MAP7: variants seen among roughly 807,000 people sequenced by gnomAD.
MAP7 encodes ensconsin.
A neutral mutation model predicts 94.8 loss-of-function variants in MAP7; 52 were observed. The observed-to-expected ratio is 0.55, with a 90% CI of 0.44 to 0.69. MAP7 has a LOEUF of 0.69. MAP7 is among the 30% of genes least tolerant of loss of function. The pLI, the probability that MAP7 is intolerant of heterozygous loss-of-function variation, is 0.00. For missense variants in MAP7, 940 were observed against 964.6 expected (o/e 0.97, Z 0.34); for synonymous variants, 350 against 357.0 (o/e 0.98, Z 0.22).
chr6:136,358,619 A>T (rs1011638367), intron 15 of MAP7, among the ~76,000 whole-genome samples: 2 of 152,184 alleles, frequency 1.3e-5, no homozygotes, highest in African/African-American at 4.8e-5. Context: ...AAAACCCTTA[A>T]TGTTTATAGG....
At position 136,411,645 on chromosome 6, in the gene MAP7, T is replaced by A. The variant is rs764933645; in HGVS notation, c.219A>T (p.Arg73=). ...CTAGCTGTTTCTCCCGTTCCTCACGTCGCTCCCGGGCCAGCCGCTGCCGGT... is the reference window on the plus strand; with the variant it reads ...CTAGCTGTTTCTCCCGTTCCTCACGACGCTCCCGGGCCAGCCGCTGCCGGT... ...VDDRQRLARE[R]REEREKQLAA... Residue 73 remains arginine (R), a synonymous_variant, in exon 3 of 18, where the codon CGA becomes CGT. Transcript: ENST00000354570. 17 of 1,562,578 alleles carry A rather than the reference T, an allele frequency of 1.1e-5. No homozygotes were observed. The highest frequency in any genetic ancestry group is 1.4e-5 in the African/African-American group (1 of 73,298).
chr6:136,376,289 G>A (rs546427121), intron 7 of MAP7, among the ~76,000 whole-genome samples: 105 of 151,302 alleles, frequency 6.9e-4, no homozygotes, highest in African/African-American at 2.4e-3. Context: ...TAGTAGAGAC[G>A]GGGTTTCACC....
At chr6:136,495,596 T>C (rs1420367161) in intron 1 of MAP7, among the ~76,000 whole-genome samples, 1 of 152,176 alleles carries the variant, frequency 6.6e-6, no homozygotes, top group Non-Finnish European at 1.5e-5. Context: ...TTGGAGCATT[T>C]TGGATTTCAG....
chr6:136,394,931 CATATATATATATATATATATATAT>C (rs144839767), intron 3 of MAP7, among the ~76,000 whole-genome samples: 485 of 27,508 alleles, frequency 0.018, 39 homozygotes, highest in Non-Finnish European at 0.03. Context: ...AATATTCCAT[CATATATATATATATATATATATAT>C]ATATATATAT....
chr6:136,471,251 G>C (rs997345006), intron 1 of MAP7, among the ~76,000 whole-genome samples: 4 of 152,142 alleles, frequency 2.6e-5, no homozygotes, highest in Non-Finnish European at 4.4e-5. Flanking sequence ...TTTTGATCAT[G>C]GTGGGTCTTA....
chr6:136,416,108 C>G (rs1025155775), intron 2 of MAP7, among the ~76,000 whole-genome samples: 1 of 152,214 alleles, frequency 6.6e-6, no homozygotes, highest in Non-Finnish European at 1.5e-5. Flanking sequence ...GGAACAGAGA[C>G]TTGTCTGTTT....
chr6:136,486,431 A>C (rs904412900), intron 1 of MAP7, among the ~76,000 whole-genome samples: 1 of 152,210 alleles, frequency 6.6e-6, no homozygotes, highest in African/African-American at 2.4e-5. Flanking sequence ...GTCTCTAAAT[A>C]ATGTGAGTGT....
chr6:136,464,386 T>A (rs1806254004), intron 1 of MAP7, among the ~76,000 whole-genome samples: 1 of 152,212 alleles, frequency 6.6e-6, no homozygotes, highest in African/African-American at 2.4e-5. Flanking sequence ...CAATAAGATA[T>A]TTTTGAGAGA....
Position 136,361,082 on chromosome 6 carries a change from T to C in MAP7, c.1624A>G (p.Lys542Glu), listed in dbSNP as rs1236245039. 2 of 1,603,212 alleles carry C rather than the reference T, an allele frequency of 1.2e-6. No homozygotes were observed. The highest frequency in any genetic ancestry group is 1.7e-5 in the Admixed American group (1 of 59,772). ...RRLEAEQARE[K>E]EEQLQRQAEE... is the part of the protein sequence containing the mutation. ...GCCTGCCGCTGCAGCTGCTCCTCCTTCTCCCGGGCCTGCTCGGCTTCCAGC... is the reference window on the plus strand; with the variant it reads ...GCCTGCCGCTGCAGCTGCTCCTCCTCCTCCCGGGCCTGCTCGGCTTCCAGC... Residue 542 changes from lysine (K) to glutamate (E), a missense_variant, in exon 12 of 18, where the codon AAG becomes GAG. By Grantham distance (56) the Lys-to-Glu change is moderately conservative. Coordinates refer to ENST00000354570, the MANE Select transcript of MAP7 (RefSeq NM_003980.6).
At chr6:136,356,638 C>T in intron 16 of MAP7, 54 bp downstream of exon 16, 1 of 1,369,920 alleles carries the variant, frequency 7.3e-7, no homozygotes, top group Non-Finnish European at 1.0e-6. Flanking sequence ...TCTGGTGGAG[C>T]TGGTGGGTAA....
At chr6:136,437,683 C>T (rs1400740488) in intron 1 of MAP7, among the ~76,000 whole-genome samples, 1 of 152,044 alleles carries the variant, frequency 6.6e-6, no homozygotes, top group South Asian at 2.1e-4. Flanking sequence ...GCTGACAATA[C>T]ATTTTAGTTT....
At chr6:136,364,259 T>C in intron 10 of MAP7, 5 of 541,194 alleles carry the variant, frequency 9.2e-6, no homozygotes, top group South Asian at 7.0e-5. Flanking sequence ...ATGTTGAACC[T>C]TTTTGGACTG....
chr6:136,360,782 C>G lies in MAP7; in HGVS notation c.1718G>C (p.Arg573Pro). 1 of 1,613,740 alleles carries G rather than the reference C, an allele frequency of 6.2e-7. No individual in the cohort carries two copies. The highest frequency in any genetic ancestry group is 8.5e-7 in the Non-Finnish European group (1 of 1,180,032). The change falls in exon 13 of 18, where the codon CGC becomes CCC. Residue 573 changes from arginine (R) to proline (P), a missense_variant. Transcript: ENST00000354570. ...GACCCTCTCTGCTTCTTCACGAACG[C>G]GAGCTTCTTCTTCTTTCTGAAAACA... ...RAQRQKEEEA[R>P]VREEAERVRQ...
intron 1 of MAP7, among the ~76,000 whole-genome samples, chr6:136,532,023 T>C (rs1407762761): frequency 2.0e-5 from 3 of 152,176 alleles, no homozygotes; most frequent in Non-Finnish European, 4.4e-5. Context: ...CTGAATAGGC[T>C]ATATTCTTAT....
At position 136,466,782 on chromosome 6, in the gene MAP7, T is replaced by C. The variant is rs1170474887; in HGVS notation, c.68-44983A>G. ...TTACAGTACAGTTTAGTGTCTTCCA[T>C]GCTAAAATCCTTCTTTCTTGAATAT... On this transcript the variant is annotated intron_variant, in intron 1 of 17. Transcript: ENST00000354570. 8.5e-6 allele frequency: 13 copies of C among 1,535,284 alleles called. No homozygotes were observed. The East Asian group carries it at 2.9e-4, about 35-fold the overall frequency.
chr6:136,431,757 A>G (rs967900181), intron 1 of MAP7, among the ~76,000 whole-genome samples: 1 of 152,090 alleles, frequency 6.6e-6, no homozygotes, highest in African/African-American at 2.4e-5. Context: ...ACCCCAGGTG[A>G]TCCTCGCACC....
chr6:136,458,453 ACT>A (rs1406705434), intron 1 of MAP7, among the ~76,000 whole-genome samples: 1 of 152,010 alleles, frequency 6.6e-6, no homozygotes, highest in Non-Finnish European at 1.5e-5. Flanking sequence ...AACCCCAAAG[ACT>A]CTGAATAGTC....
chr6:136,413,196 T>C (rs1788063926), intron 2 of MAP7, among the ~76,000 whole-genome samples: 1 of 151,782 alleles, frequency 6.6e-6, no homozygotes, highest in Non-Finnish European at 1.5e-5. Context: ...TTGACATTTT[T>C]AGAACCTTGC....
At chr6:136,387,647 G>A (rs1779531984) in intron 5 of MAP7, among the ~76,000 whole-genome samples, 1 of 152,056 alleles carries the variant, frequency 6.6e-6, no homozygotes, top group Non-Finnish European at 1.5e-5. Flanking sequence ...CAAAAGTTAT[G>A]AAGTGGTGGT....
Sources: gnomAD v4.1 joint callset for allele counts (sites outside exome capture counted in the v4.1 genomes callset) on GRCh38, gnomAD v4.1.1 for gene constraint, MANE v1.5 for transcripts, NCBI Gene and HGNC (gene_info 2026-07-23, HGNC 2026-07-21) for gene names.